Variants in ZNF362 observed in about 807,000 individuals in gnomAD.
ZNF362 encodes rotund homolog.
A neutral mutation model predicts 42.9 loss-of-function variants in ZNF362; 11 were observed. The ratio of observed to expected loss-of-function variants is 0.26; its 90% CI spans 0.16 to 0.42. The LOEUF is 0.42. ZNF362 is among the 20% of genes least tolerant of loss of function. The pLI, the probability that ZNF362 is intolerant of heterozygous loss-of-function variation, is 1.00. For synonymous variants in ZNF362, 255 were observed against 257.3 expected (o/e 0.99, Z 0.09); for missense variants, 362 against 576.2 (o/e 0.63, Z 3.81).
the ZNF362 span, among the ~76,000 whole-genome samples, chr1:33,189,709 G>GTGTATATATATATATATATATA: frequency 0.057 from 693 of 12,234 alleles, 30 homozygotes; most frequent in Non-Finnish European, 0.075. Context: ...ACATATATAC[G>GTGTATATATATATATATATATA]TATATATATA....
chr1:33,263,427 T>C (rs1217030297), intron 1 of ZNF362, among the ~76,000 whole-genome samples: 2 of 152,192 alleles, frequency 1.3e-5, no homozygotes, highest in African/African-American at 4.8e-5. Context: ...TTTTTTTTTT[T>C]TGAGATGGAG....
the ZNF362 span, among the ~76,000 whole-genome samples, chr1:33,224,129 A>G: frequency 6.6e-6 from 1 of 152,180 alleles, no homozygotes; most frequent in Non-Finnish European, 1.5e-5. Flanking sequence ...CAAAACATCA[A>G]GAGAAAAAAA....
chr1:33,256,508 C>A lies in ZNF362; in HGVS notation c.-235C>A. 6.5e-6 allele frequency: 1 copy of A among 153,146 alleles called. No homozygotes were observed. The allele number at this position is 153,146 out of a possible 1,614,324, so 9.5% of individuals were successfully genotyped here. ...GCAGAACCCAGAAGTGAACAGCAGG[C>A]GACCCGGAAGGTTTGCGCGCGGCTC... On this transcript the variant is annotated 5_prime_UTR_variant, in exon 1 of 9. Transcript: ENST00000539719.
chr1:33,159,015 ATTTT>A, the ZNF362 span, among the ~76,000 whole-genome samples: 1 of 149,890 alleles, frequency 6.7e-6, no homozygotes, highest in Non-Finnish European at 1.5e-5. The surrounding 1 kb of genome is among the most constrained non-coding windows in gnomAD (Gnocchi z 4.2). Context: ...TAATTTTTGT[ATTTT>A]TTTTTAGTAG....
Position 33,300,419 on chromosome 1 carries a change from C to G in ZNF362, c.*1373C>G, listed in dbSNP as rs1646159517. The G allele has an allele frequency of 6.8e-6, 1 of 147,926 alleles. No homozygotes were observed. The highest frequency in any genetic ancestry group is 2.2e-4 in the South Asian group (1 of 4,540). The allele number at this position is 147,926 out of a possible 1,614,324, so 9.2% of individuals were successfully genotyped here. A position where few individuals can be genotyped will look rare whatever the true frequency, so the allele number is the denominator to read the frequency against. On this transcript the variant is annotated 3_prime_UTR_variant, in exon 9 of 9. Transcript: ENST00000539719. ...AATACGCTGTTATACATACTGTTAA[C>G]ACCCCTTTGCTTTTTCTATGGGACC...
At chr1:33,232,234 G>T in the ZNF362 span, among the ~76,000 whole-genome samples, 1 of 152,102 alleles carries the variant, frequency 6.6e-6, no homozygotes, top group East Asian at 1.9e-4. Flanking sequence ...CTACAGAAAA[G>T]ATTTTCTTCC....
At position 33,281,564 on chromosome 1, in the gene ZNF362, T is replaced by C; in HGVS notation, c.684-23T>C. The C allele has an allele frequency of 6.2e-7, 1 of 1,612,732 alleles. No individual in the cohort carries two copies. The highest frequency in any genetic ancestry group is 8.5e-7 in the Non-Finnish European group (1 of 1,178,774). On this transcript the variant is annotated intron_variant, in intron 5 of 8. Transcript: ENST00000539719. This position sits in a 1 kb window ranked among gnomAD's most constrained non-coding sequence, Gnocchi z 4.8. ...GGACAGTCTGGGGGATCTTCCCACG[T>C]GAACCTGTCTCTTGCTCCGCAGGTG...
At chr1:33,158,504 G>A in the ZNF362 span, 5 of 648,830 alleles carry the variant, frequency 7.7e-6, no homozygotes, top group South Asian at 3.5e-5. Flanking sequence ...TCAGATTCAA[G>A]TGCCTGCTTG....
the ZNF362 span, among the ~76,000 whole-genome samples, chr1:33,236,550 A>AAATATATATATAT: frequency 1.7e-4 from 1 of 5,980 alleles, no homozygotes; most frequent in African/African-American, 3.9e-4. Context: ...AAAAAAAAAA[A>AAATATATATATAT]ATATATATAT....
chr1:33,194,526 C>T, the ZNF362 span, among the ~76,000 whole-genome samples: 2 of 83,738 alleles, frequency 2.4e-5, no homozygotes, highest in East Asian at 3.6e-4. Context: ...GTGTGTGACC[C>T]TGTCTCAAAA....
At chr1:33,137,181 T>C in the ZNF362 span, among the ~76,000 whole-genome samples, 5 of 152,044 alleles carry the variant, frequency 3.3e-5, no homozygotes, top group Admixed American at 6.5e-5. Flanking sequence ...GAATGATCCC[T>C]ACACCCATCA....
chr1:33,270,739 G>A (rs1557789802), intron 2 of ZNF362, 127 bp downstream of exon 2: 16 of 1,494,394 alleles, frequency 1.1e-5, no homozygotes, highest in Non-Finnish European at 7.1e-6. Flanking sequence ...TGCCCTGGGG[G>A]AGGTGTGTGC....
intron 1 of ZNF362, among the ~76,000 whole-genome samples, chr1:33,258,859 C>T (rs1448493763): frequency 6.6e-6 from 1 of 152,260 alleles, no homozygotes. Flanking sequence ...GATTATGAAC[C>T]TCATTATAAG....
chr1:33,291,699 A>G (rs113471906), intron 6 of ZNF362, among the ~76,000 whole-genome samples: 6,176 of 152,318 alleles, frequency 0.041, 141 homozygotes, highest in Middle Eastern at 0.085. Context: ...ATCCGTGAGC[A>G]TGGAATGTTC....
the ZNF362 span, among the ~76,000 whole-genome samples, chr1:33,189,689 A>ATACG: frequency 2.1e-5 from 1 of 47,752 alleles, no homozygotes; most frequent in South Asian, 7.5e-4. Flanking sequence ...ATATACGTAT[A>ATACG]TATATATACA....
the ZNF362 span, among the ~76,000 whole-genome samples, chr1:33,222,911 G>A: frequency 1.3e-5 from 2 of 152,146 alleles, no homozygotes; most frequent in Non-Finnish European, 2.9e-5. Context: ...TTTCTGTGCT[G>A]TTCTCTTGAG....
the ZNF362 span, among the ~76,000 whole-genome samples, chr1:33,243,721 C>G: frequency 6.6e-6 from 1 of 151,418 alleles, no homozygotes; most frequent in Admixed American, 6.6e-5. Context: ...CTCAGCCTCC[C>G]GAATAGCTGG....
chr1:33,257,426 CTT>C (rs921311790), intron 1 of ZNF362, among the ~76,000 whole-genome samples: 20 of 136,846 alleles, frequency 1.5e-4, no homozygotes, highest in Admixed American at 1.5e-4. Context: ...TTCTTTCTTT[CTT>C]TTTTTTTTTT....
chr1:33,201,920 G>A, the ZNF362 span, among the ~76,000 whole-genome samples: 1 of 152,162 alleles, frequency 6.6e-6, no homozygotes, highest in Non-Finnish European at 1.5e-5. Flanking sequence ...TCAATACCAA[G>A]AATGAAAGGG....
Sources: gnomAD v4.1 joint callset for allele counts (sites outside exome capture counted in the v4.1 genomes callset) on GRCh38, gnomAD v4.1.1 for gene constraint, Gnocchi (gnomAD v3.1) non-coding constraint, MANE v1.5 for transcripts, NCBI Gene and HGNC (gene_info 2026-07-23, HGNC 2026-07-21) for gene names.